HOMER2: variants seen among roughly 807,000 people sequenced by gnomAD.
The protein encoded by HOMER2 is homer scaffold protein 2, also known as homer protein homolog 2.
A neutral mutation model predicts 47.0 loss-of-function variants in HOMER2; 27 were observed. That is an observed-to-expected ratio of 0.57 (90% CI 0.42 to 0.79). The LOEUF (loss-of-function observed/expected upper bound fraction) is 0.79, where lower values mean the gene tolerates loss of function less well. Among genes scored for constraint, HOMER2 ranks in the 30% least tolerant of loss-of-function variants. The pLI is 0.00. For synonymous variants in HOMER2, 161 were observed against 163.8 expected (o/e 0.98, Z 0.13); for missense variants, 443 against 435.0 (o/e 1.02, Z -0.16).
intron 1 of HOMER2, among the ~76,000 whole-genome samples, chr15:82,975,882 G>A (rs1350703899): frequency 6.6e-6 from 1 of 152,130 alleles, no homozygotes; most frequent in Non-Finnish European, 1.5e-5. Flanking sequence ...TAACACAAAG[G>A]ATAAATGCTT....
At chr15:82,972,990 G>A (rs2030048288) in intron 1 of HOMER2, among the ~76,000 whole-genome samples, 9 of 152,138 alleles carry the variant, frequency 5.9e-5, no homozygotes, top group Admixed American at 5.9e-4. Context: ...GCAACAGGGA[G>A]CCTCCCTGCC....
intron 1 of HOMER2, among the ~76,000 whole-genome samples, chr15:82,906,399 G>A (rs1207116928): frequency 6.6e-6 from 1 of 150,818 alleles, no homozygotes; most frequent in Admixed American, 6.6e-5. Context: ...TGTTAGAATG[G>A]GTTAAAAAAT....
intron 1 of HOMER2, among the ~76,000 whole-genome samples, chr15:82,978,998 C>CGTAA (rs951265230): frequency 5.7e-4 from 87 of 152,172 alleles, no homozygotes; most frequent in Non-Finnish European, 8.2e-4. Context: ...GGATTACAGG[C>CGTAA]GTAAGCCACT....
At chr15:82,940,681 G>T (rs1479579885) in intron 1 of HOMER2, among the ~76,000 whole-genome samples, 1 of 152,004 alleles carries the variant, frequency 6.6e-6, no homozygotes, top group Non-Finnish European at 1.5e-5. Context: ...GGTGGAGCTT[G>T]CAGTGAGCTG....
At chr15:82,900,486 ACT>A (rs1317730761) in intron 1 of HOMER2, among the ~76,000 whole-genome samples, 29 of 151,948 alleles carry the variant, frequency 1.9e-4, no homozygotes, top group Non-Finnish European at 2.5e-4. Context: ...TCACTGGAAA[ACT>A]CTATGTGAGG....
Position 82,892,800 on chromosome 15 carries a change from A to T in HOMER2, c.47T>A (p.Ile16Asn), listed in dbSNP as rs764859232. ...CCAGTTCTTCTTGGTGTTGGGGTCA[A>T]TCTGGAAGACATGCGCTCGGGTGGT... ...IFTTRAHVFQ[I>N]DPNTKKNWMP... Residue 16 changes from isoleucine to asparagine, a missense_variant, in exon 2 of 9, where the codon ATT becomes AAT. Ile to Asn is a moderately radical substitution (Grantham distance 149). Coordinates refer to ENST00000450735, the MANE Select transcript of HOMER2 (RefSeq NM_004839.4). The T allele has an allele frequency of 6.2e-7, 1 of 1,604,866 alleles. No individual in the cohort carries two copies. The highest frequency in any genetic ancestry group is 1.1e-5 in the South Asian group (1 of 89,684).
intron 1 of HOMER2, among the ~76,000 whole-genome samples, chr15:82,917,537 G>A (rs181780724): frequency 2.0e-5 from 3 of 152,370 alleles, no homozygotes; most frequent in Admixed American, 2.0e-4. Flanking sequence ...ATGCAGGAAG[G>A]TGCAAGCGGG....
intron 1 of HOMER2, among the ~76,000 whole-genome samples, chr15:82,920,846 CTT>C (rs76849781): frequency 3.5e-4 from 47 of 135,668 alleles, no homozygotes; most frequent in Admixed American, 3.7e-4. Context: ...GTAAAACAAT[CTT>C]TTTTTTTTTT....
upstream of HOMER2, among the ~76,000 whole-genome samples, chr15:82,955,324 C>T (rs1281084393): frequency 1.3e-5 from 2 of 152,172 alleles, no homozygotes; most frequent in Non-Finnish European, 2.9e-5. Context: ...CGCATGCCAC[C>T]ACACCTGGCT....
At chr15:82,852,311 A>G in intron 6 of HOMER2, 59 bp from the exon 7 acceptor site, 1 of 1,128,012 alleles carries the variant, frequency 8.9e-7, no homozygotes, top group Non-Finnish European at 1.3e-6. Flanking sequence ...TCATTAAGCA[A>G]GAGATCACCA....
intron 1 of HOMER2, among the ~76,000 whole-genome samples, chr15:82,922,528 G>T (rs1009072427): frequency 6.6e-6 from 1 of 152,136 alleles, no homozygotes; most frequent in African/African-American, 2.4e-5. Flanking sequence ...ATAGCCCAGC[G>T]GCACTAGGTA....
downstream of HOMER2, chr15:82,835,497 C>T (rs2151579209): frequency 6.6e-6 from 1 of 152,540 alleles, no homozygotes; most frequent in East Asian, 1.9e-4. Flanking sequence ...GGGCGTGAGT[C>T]CCTTTCAGCA....
chr15:82,918,591 G>C (rs1055368431), intron 1 of HOMER2, among the ~76,000 whole-genome samples: 2 of 152,108 alleles, frequency 1.3e-5, no homozygotes, highest in Non-Finnish European at 2.9e-5. Flanking sequence ...ACATGTCTAT[G>C]TGATGACACC....
chr15:82,848,754 G>A (rs1010604998), downstream of HOMER2, among the ~76,000 whole-genome samples: 2 of 152,226 alleles, frequency 1.3e-5, no homozygotes, highest in African/African-American at 4.8e-5. Context: ...AGGGTCTGGA[G>A]AGCCCCAGGG....
At chr15:82,842,470 T>G (rs2051186315) in exon 2 of HOMER2, 1 of 134,336 alleles carries the variant, frequency 7.4e-6, no homozygotes, top group Non-Finnish European at 1.6e-5. Flanking sequence ...AATTTTTTTT[T>G]TTTTTTTTTT....
At chr15:82,855,052 T>C (rs145501680) in intron 5 of HOMER2, among the ~76,000 whole-genome samples, 6 of 152,254 alleles carry the variant, frequency 3.9e-5, no homozygotes, top group Non-Finnish European at 5.9e-5. Context: ...AACACAATTC[T>C]TGGGCCGGAC....
intron 1 of HOMER2, among the ~76,000 whole-genome samples, chr15:82,906,830 G>A (rs757003569): frequency 2.6e-5 from 4 of 152,212 alleles, no homozygotes; most frequent in Non-Finnish European, 4.4e-5. Context: ...GACAGCAGGA[G>A]TAGCTCTATC....
At chr15:82,891,161 G>T (rs2052693213) in intron 2 of HOMER2, among the ~76,000 whole-genome samples, 2 of 152,232 alleles carry the variant, frequency 1.3e-5, no homozygotes, top group South Asian at 4.1e-4. Flanking sequence ...TAGGTGTCAG[G>T]AAACTCTCCT....
At chr15:82,926,456 G>A (rs2053854472) in intron 1 of HOMER2, 1 of 152,232 alleles carries the variant, frequency 6.6e-6, no homozygotes, top group Non-Finnish European at 1.5e-5. Context: ...TGGAGGCCGA[G>A]GCAGGCAGAT....
Sources: allele counts gnomAD v4.1 joint callset (sites outside exome capture counted in the v4.1 genomes callset), GRCh38; gene constraint gnomAD v4.1.1; transcripts MANE v1.5; gene names NCBI Gene and HGNC (gene_info 2026-07-23, HGNC 2026-07-21).